The following AP3B1 variants were observed in gnomAD, a reference collection of about 807,000 sequenced individuals.
AP3B1 encodes the protein adaptor related protein complex 3 subunit beta 1.
AP3B1 carries 61 observed loss-of-function variants against 132.5 expected under a neutral mutation model. The ratio of observed to expected loss-of-function variants is 0.46; its 90% CI spans 0.37 to 0.57. AP3B1 has a LOEUF of 0.57. AP3B1 is among the 20% of genes least tolerant of loss of function. AP3B1 has a pLI of 0.00. For synonymous variants in AP3B1, 388 were observed against 438.3 expected (o/e 0.89, Z 1.43); for missense variants, 1,120 against 1,289.4 (o/e 0.87, Z 2.01).
At chr5:78,286,046 C>T (rs924622251) in intron 1 of AP3B1, among the ~76,000 whole-genome samples, 1 of 151,934 alleles carries the variant, frequency 6.6e-6, no homozygotes, top group Non-Finnish European at 1.5e-5. Flanking sequence ...AGAGTAAAAT[C>T]AAAGACCTTA....
At chr5:78,279,504 AG>A (rs1237215000) in intron 1 of AP3B1, among the ~76,000 whole-genome samples, 1 of 141,748 alleles carries the variant, frequency 7.1e-6, no homozygotes, top group Non-Finnish European at 1.6e-5. Flanking sequence ...TCATAAAACC[AG>A]GGAATGGCAA....
chr5:78,154,279 T>C (rs1360911039), intron 14 of AP3B1, among the ~76,000 whole-genome samples: 1 of 152,210 alleles, frequency 6.6e-6, no homozygotes, highest in Non-Finnish European at 1.5e-5. Context: ...CATGCCACTC[T>C]CCCCTGGCCT....
chr5:78,182,908 G>A (rs998474756), intron 7 of AP3B1, among the ~76,000 whole-genome samples: 3 of 152,246 alleles, frequency 2.0e-5, no homozygotes, highest in African/African-American at 7.2e-5. Context: ...GATATTGTCA[G>A]TGAAGACCAA....
chr5:78,093,694 T>A (rs1478400075), intron 21 of AP3B1, among the ~76,000 whole-genome samples: 1 of 152,234 alleles, frequency 6.6e-6, no homozygotes, highest in Admixed American at 6.5e-5. Context: ...ATCATCTGCA[T>A]CATTGGCATC....
chr5:78,263,883 T>A (rs1224216998), intron 2 of AP3B1, among the ~76,000 whole-genome samples: 5 of 152,236 alleles, frequency 3.3e-5, no homozygotes, highest in Non-Finnish European at 5.9e-5. Flanking sequence ...ATTGTAAGAT[T>A]ATAATACTGT....
At chr5:78,061,062 C>T (rs1749031937) in intron 22 of AP3B1, among the ~76,000 whole-genome samples, 1 of 151,236 alleles carries the variant, frequency 6.6e-6, no homozygotes, top group African/African-American at 2.4e-5. Flanking sequence ...AGTACTGAAC[C>T]ACATATCCAT....
intron 20 of AP3B1, among the ~76,000 whole-genome samples, chr5:78,108,182 TTTAG>T (rs1362362721): frequency 6.6e-6 from 1 of 152,168 alleles, no homozygotes; most frequent in Non-Finnish European, 1.5e-5. Flanking sequence ...AAAATATAGA[TTTAG>T]TTAGGCTGCA....
chr5:78,229,413 A>C (rs144142738), intron 3 of AP3B1, among the ~76,000 whole-genome samples: 126 of 152,252 alleles, frequency 8.3e-4, no homozygotes, highest in Middle Eastern at 3.4e-3. Context: ...TACCCTTCTA[A>C]GATACCAACA....
At chr5:78,080,623 A>ATTTTT (rs66609184) in intron 22 of AP3B1, among the ~76,000 whole-genome samples, 10 of 103,544 alleles carry the variant, frequency 9.7e-5, no homozygotes, top group South Asian at 6.8e-4. Context: ...TATGCCTCCA[A>ATTTTT]TTTTTTTTTT....
intron 6 of AP3B1, among the ~76,000 whole-genome samples, chr5:78,224,365 TA>T (rs201889869): frequency 2.6e-5 from 4 of 151,486 alleles, no homozygotes; most frequent in African/African-American, 9.7e-5. Flanking sequence ...AAATATATAG[TA>T]AAAAAACCAT....
intron 3 of AP3B1, among the ~76,000 whole-genome samples, chr5:78,237,545 C>T (rs1746929983): frequency 6.6e-6 from 1 of 152,054 alleles, no homozygotes; most frequent in Non-Finnish European, 1.5e-5. Context: ...TGGTGGCTCA[C>T]ACCCATAATC....
At chr5:78,245,258 G>A (rs754992617) in intron 2 of AP3B1, among the ~76,000 whole-genome samples, 13 of 152,318 alleles carry the variant, frequency 8.5e-5, no homozygotes, top group South Asian at 6.2e-4. Flanking sequence ...CGTAATAGGC[G>A]TAATCTACAG....
intron 17 of AP3B1, among the ~76,000 whole-genome samples, chr5:78,117,330 G>A (rs1463220828): frequency 1.4e-5 from 2 of 146,154 alleles, no homozygotes; most frequent in Non-Finnish European, 3.0e-5. Flanking sequence ...TTTTTTTTGA[G>A]ACGGAGTCTC....
intron 8 of AP3B1, among the ~76,000 whole-genome samples, chr5:78,178,689 T>C (rs1350974653): frequency 6.6e-6 from 1 of 152,092 alleles, no homozygotes; most frequent in African/African-American, 2.4e-5. Context: ...CTGTTTCCCC[T>C]AAGTGCCTCT....
intron 22 of AP3B1, among the ~76,000 whole-genome samples, chr5:78,046,287 C>G (rs1006571833): frequency 6.6e-6 from 1 of 152,204 alleles, no homozygotes; most frequent in Non-Finnish European, 1.5e-5. Flanking sequence ...GGCATTAGAT[C>G]CTCATAGGAG....
intron 15 of AP3B1, among the ~76,000 whole-genome samples, chr5:78,137,704 C>G (rs1752977005): frequency 6.6e-6 from 1 of 151,980 alleles, no homozygotes; most frequent in Admixed American, 6.6e-5. Context: ...CAGCTGTTTT[C>G]TATGGTAGGG....
chr5:78,161,107 G>A (rs80041910), intron 13 of AP3B1, among the ~76,000 whole-genome samples: 4,645 of 151,936 alleles, frequency 0.031, 239 homozygotes, highest in African/African-American at 0.1. Context: ...TAGAGAGGAA[G>A]TATGTATTAG....
intron 22 of AP3B1, among the ~76,000 whole-genome samples, chr5:78,065,870 T>A (rs1749268121): frequency 6.6e-6 from 1 of 152,102 alleles, no homozygotes; most frequent in South Asian, 2.1e-4. Context: ...CTGGGTGAGA[T>A]CTTCCAACAG....
chr5:78,043,921 T>A (rs1212455765), intron 22 of AP3B1: 1 of 350,520 alleles, frequency 2.9e-6, no homozygotes, highest in Non-Finnish European at 5.6e-6. Context: ...GGGGATGATG[T>A]TAACTTCCAG....
Sources: allele counts gnomAD v4.1 joint callset (sites outside exome capture counted in the v4.1 genomes callset), GRCh38; gene constraint gnomAD v4.1.1; transcripts MANE v1.5; gene names NCBI Gene and HGNC (gene_info 2026-07-23, HGNC 2026-07-21).